The following TXLNG variants were observed in gnomAD, a reference collection of about 807,000 sequenced individuals.
TXLNG encodes taxilin gamma.
A neutral mutation model predicts 38.8 loss-of-function variants in TXLNG; 5 were observed. The observed-to-expected ratio is 0.13, with a 90% CI of 0.07 to 0.27. The LOEUF is 0.27. Among genes scored for constraint, TXLNG ranks in the 10% least tolerant of loss-of-function variants. The probability of loss-of-function intolerance (pLI) is 1.00; values close to 1 mark genes in which losing one functional copy is unlikely to be tolerated. For missense variants in TXLNG, 393 were observed against 398.2 expected (o/e 0.99, Z 0.11); for synonymous variants, 182 against 158.2 (o/e 1.15, Z -1.13).
rs1040436166 is a variant in TXLNG at position 16,815,744 on chromosome X, A to T, written c.103-2830A>T. 1.1e-4 allele frequency among the ~76,000 whole-genome samples: 11 copies of T among 101,134 alleles called. No individual in the cohort carries two copies. The South Asian group carries it at 1.4e-3, about 12-fold the overall frequency. The allele number at this position is 101,134 out of a possible 115,157, so 87.8% of individuals were successfully genotyped here. On this transcript the variant is annotated intron_variant, in intron 1 of 9. Transcript: ENST00000380122. The stretch of plus-strand genomic sequence containing the variant: ...ACCACGTTGGTCAGGCTCGTCTTGA[A>T]CTCCTAACCTTGTGATCTGCCCGTC...
At chrX:16,837,542 C>G in intron 7 of TXLNG, 51 bp from the exon 8 acceptor site, 1 of 959,064 alleles carries the variant, frequency 1.0e-6, no homozygotes, top group Non-Finnish European at 1.4e-6. Flanking sequence ...AGTTTGGGAA[C>G]TGGAATTGTT....
At chrX:16,828,366 AG>A (rs1929251136) in intron 4 of TXLNG, 102 bp downstream of exon 4, 2 of 835,429 alleles carry the variant, frequency 2.4e-6, no homozygotes, top group Admixed American at 7.1e-5. Flanking sequence ...ACTTGGAGAC[AG>A]ATACTGCCTT....
chrX:16,804,070 A>G (rs893027242), intron 1 of TXLNG, among the ~76,000 whole-genome samples: 1 of 112,310 alleles, frequency 8.9e-6, no homozygotes, highest in Non-Finnish European at 1.9e-5. Context: ...TTCATTTCCA[A>G]CTTCTAGGTC....
At chrX:16,804,845 T>G (rs759136344) in intron 1 of TXLNG, among the ~76,000 whole-genome samples, 1 of 108,434 alleles carries the variant, frequency 9.2e-6, no homozygotes, top group East Asian at 2.9e-4. Flanking sequence ...CCATCACTAC[T>G]AGGAATAGTA....
At chrX:16,829,045 A>T (rs866549483) in intron 4 of TXLNG, among the ~76,000 whole-genome samples, 3 of 111,426 alleles carry the variant, frequency 2.7e-5, no homozygotes, top group Non-Finnish European at 5.7e-5. Flanking sequence ...TTTTTCCCAT[A>T]GGAAATCAAT....
chrX:16,795,920 C>T (rs1457849480), intron 1 of TXLNG, among the ~76,000 whole-genome samples: 1 of 107,874 alleles, frequency 9.3e-6, no homozygotes, highest in Non-Finnish European at 1.9e-5. Context: ...TCAAACAGTT[C>T]TCCAGCCTCA....
At chrX:16,840,018 A>G in intron 9 of TXLNG, 102 bp downstream of exon 9, 3 of 607,031 alleles carry the variant, frequency 4.9e-6, no homozygotes, top group Non-Finnish European at 7.5e-6. Flanking sequence ...CACTACTACC[A>G]TAGTTGAGGA....
At chrX:16,816,261 G>A (rs1928741849) in intron 1 of TXLNG, among the ~76,000 whole-genome samples, 1 of 111,102 alleles carries the variant, frequency 9.0e-6, no homozygotes, top group African/African-American at 3.3e-5. Context: ...CTCCCAAAGT[G>A]CTGGGATTAC....
chrX:16,820,481 G>A (rs1928898457), intron 3 of TXLNG, among the ~76,000 whole-genome samples: 1 of 111,906 alleles, frequency 8.9e-6, no homozygotes, highest in African/African-American at 3.3e-5. Flanking sequence ...ATGTGGCATA[G>A]ATTTTCTAAA....
At chrX:16,812,534 C>T (rs1210570860) in intron 1 of TXLNG, among the ~76,000 whole-genome samples, 1 of 105,370 alleles carries the variant, frequency 9.5e-6, no homozygotes, top group Non-Finnish European at 1.9e-5. Context: ...GCTGGGATTA[C>T]AGGTGTGTGC....
Position 16,818,712 on chromosome X carries a change from G to A in TXLNG, c.241G>A (p.Glu81Lys). 1.7e-6 allele frequency: 2 copies of A among 1,211,734 alleles called. No homozygotes were observed. The highest frequency in any genetic ancestry group is 2.2e-6 in the Non-Finnish European group (2 of 895,557). Reference sequence around the variant, plus strand: ...TGGCACAAGTAACAAGCATTCATTGGAAGAGGATGAAGGCAGTGACTTTAT... The same window carrying A: ...TGGCACAAGTAACAAGCATTCATTGAAAGAGGATGAAGGCAGTGACTTTAT... ...CGGTSNKHSL[E>K]EDEGSDFITE... Residue 81 changes from glutamate (E) to lysine (K), a missense_variant, in exon 2 of 10, where the codon GAA (glutamate) becomes AAA (lysine). Transcript: ENST00000380122.
intron 3 of TXLNG, among the ~76,000 whole-genome samples, chrX:16,826,138 A>C (rs1929157505): frequency 8.9e-6 from 1 of 111,849 alleles, no homozygotes; most frequent in Non-Finnish European, 1.9e-5. Context: ...GGATTGCGCT[A>C]ACCCTGGGTC....
rs1348893878 is a variant in TXLNG at position 16,786,529 on chromosome X, C to T, written c.42C>T (p.Gly14=). The T allele has an allele frequency of 1.4e-5, 15 of 1,104,357 alleles. No individual in the cohort carries two copies. Among genetic ancestry groups the T allele is most frequent in the Admixed American group, 3.3e-5 (1 of 29,926 alleles). 91.0% of individuals were successfully genotyped at this position (1,104,357 alleles called of 1,213,427 possible). ...RVEEAARGRG[G]GAEEATEAGR... Reference sequence around the variant, plus strand: ...AGGAGGCAGCGCGGGGAAGAGGCGGCGGCGCCGAAGAGGCGACTGAGGCCG... The same window carrying T: ...AGGAGGCAGCGCGGGGAAGAGGCGGTGGCGCCGAAGAGGCGACTGAGGCCG... Residue 14 remains glycine (G), a synonymous_variant, in exon 1 of 10, where the codon GGC becomes GGT. Coordinates refer to ENST00000380122, the MANE Select transcript of TXLNG (RefSeq NM_018360.3).
chrX:16,829,503 T>C, intron 4 of TXLNG, 73 bp from the exon 5 acceptor site: 1 of 1,011,982 alleles, frequency 9.9e-7, no homozygotes, highest in Non-Finnish European at 1.3e-6. Context: ...TGAACCCACA[T>C]TGCAGCAGCT....
rs752078896 is a variant in TXLNG, at chrX:16,840,741, C to T, written c.1249-687C>T. ...GAGCTGAGATTGCACCACTGCACTC[C>T]AGCCCGGGCGACAGAGCGAGACTGT... On this transcript the variant is annotated intron_variant, in intron 9 of 9. Coordinates refer to ENST00000380122, the MANE Select transcript of TXLNG (RefSeq NM_018360.3). Among the ~76,000 whole-genome samples, 6 of 111,341 alleles carry T rather than the reference C, an allele frequency of 5.4e-5. No individual in the cohort carries two copies. In the South Asian group the frequency reaches 1.5e-3, roughly 28 times the overall value.
Position 16,841,820 on chromosome X carries a change from TTAG to T in TXLNG, c.*59_*61del, listed in dbSNP as rs1190346962. The stretch of plus-strand genomic sequence containing the variant: ...TATATTTTGTGTATAACTTTCTCTG[TTAG>T]TAGTTAACTATTGGTTTTGTGGTGA... On this transcript the variant is annotated 3_prime_UTR_variant, in exon 10 of 10. Coordinates refer to ENST00000380122, the MANE Select transcript of TXLNG (RefSeq NM_018360.3). 2 of 1,113,620 alleles carry T rather than the reference TTAG, an allele frequency of 1.8e-6. No individual in the cohort carries two copies. Among genetic ancestry groups the T allele is most frequent in the East Asian group, 6.0e-5 (2 of 33,245 alleles). The allele number at this position is 1,113,620 out of a possible 1,213,427, so 91.8% of individuals were successfully genotyped here. A position where few individuals can be genotyped will look rare whatever the true frequency, so the allele number is the denominator to read the frequency against.
intron 2 of TXLNG, among the ~76,000 whole-genome samples, chrX:16,819,364 T>C (rs917447209): frequency 9.0e-6 from 1 of 111,545 alleles, no homozygotes; most frequent in Admixed American, 9.6e-5. Context: ...AGAAAAGCAT[T>C]CTTTTTTGAA....
At chrX:16,829,439 T>C in intron 4 of TXLNG, 137 bp from the exon 5 acceptor site, 1 of 589,279 alleles carries the variant, frequency 1.7e-6, no homozygotes, top group South Asian at 3.7e-5. Context: ...CTTCTGGTCA[T>C]AAATAAGGGG....
Position 16,843,841 on chromosome X carries a change from T to C in TXLNG, c.*2075T>C, listed in dbSNP as rs1929973716. 1 of 111,870 alleles carries C rather than the reference T, an allele frequency of 8.9e-6. No homozygotes were observed. Among genetic ancestry groups the C allele is most frequent in the African/African-American group, 3.3e-5 (1 of 30,701 alleles). The allele number at this position is 111,870 out of a possible 1,213,427, so 9.2% of individuals were successfully genotyped here. A position where few individuals can be genotyped will look rare whatever the true frequency, so the allele number is the denominator to read the frequency against. ...GTGTTGAAAGGATATGGATTCTGTC[T>C]GGGATGCATTTGTTGTCCTTTCAGA... is the stretch of plus-strand genomic sequence containing the variant. On this transcript the variant is annotated 3_prime_UTR_variant, in exon 10 of 10. Transcript: ENST00000380122.
Sources: allele counts gnomAD v4.1 joint callset (sites outside exome capture counted in the v4.1 genomes callset), GRCh38; gene constraint gnomAD v4.1.1; transcripts MANE v1.5; gene names NCBI Gene and HGNC (gene_info 2026-07-23, HGNC 2026-07-21).